The following ARHGAP40 variants were observed in gnomAD, a reference collection of about 807,000 sequenced individuals.
The protein encoded by ARHGAP40 is rho GTPase-activating protein 40.
A neutral mutation model predicts 73.5 loss-of-function variants in ARHGAP40; 43 were observed. That is an observed-to-expected ratio of 0.58 (90% CI 0.46 to 0.75). ARHGAP40 has a LOEUF of 0.75. Ranked by LOEUF, ARHGAP40 falls within the 30% of genes least tolerant of loss-of-function variation. The pLI, the probability that ARHGAP40 is intolerant of heterozygous loss-of-function variation, is 0.00. For synonymous variants in ARHGAP40, 300 were observed against 352.8 expected, an observed-to-expected ratio of 0.85 and a Z score of 1.68; for missense variants, 734 against 861.8, an observed-to-expected ratio of 0.85 and a Z score of 1.86.
At chr20:38,620,506 C>T (rs2088868326) in intron 1 of ARHGAP40, among the ~76,000 whole-genome samples, 2 of 152,202 alleles carry the variant, frequency 1.3e-5, no homozygotes, top group Admixed American at 1.3e-4. Flanking sequence ...GGTTTAGTCG[C>T]TGCAGTTTTC....
rs150876533 is a variant in ARHGAP40 at position 38,612,234 on chromosome 20, T to A, written c.137+10155T>A. On this transcript the variant is annotated intron_variant, in intron 1 of 14. Transcript: ENST00000373345. ...CAATCTCTGATAGGATGCTAAATTT[T>A]CATCAGAAATCCTTAATATATATTT... 3.2e-3 allele frequency among the ~76,000 whole-genome samples: 482 copies of A among 152,354 alleles called. 1 individual carries two copies. Among genetic ancestry groups the A allele is most frequent in the African/African-American group, 0.011 (447 of 41,582 alleles).
intron 1 of ARHGAP40, among the ~76,000 whole-genome samples, chr20:38,608,260 T>C (rs1455993620): frequency 6.6e-6 from 1 of 152,132 alleles, no homozygotes; most frequent in African/African-American, 2.4e-5. Flanking sequence ...CCTGCTCCCC[T>C]TCCTGGGAGA....
At position 38,623,681 on chromosome 20, in the gene ARHGAP40, G is replaced by A. The variant is rs976120043; in HGVS notation, c.337+123G>A. ...CATTTTCTCTGTTGCCTGGACTGGT[G>A]CAGTATCCTCTTCACTGCTCTCCCT... On this transcript the variant is annotated intron_variant, in intron 2 of 14. Transcript: ENST00000373345. 5.2e-6 allele frequency: 4 copies of A among 762,962 alleles called. No individual in the cohort carries two copies. In the African/African-American group the frequency reaches 5.5e-5, roughly 11 times the overall value. 47.3% of individuals were successfully genotyped at this position (762,962 alleles called of 1,614,324 possible).
exon 3 of ARHGAP40, chr20:38,627,114 G>C: frequency 7.7e-7 from 1 of 1,305,410 alleles, no homozygotes; most frequent in Non-Finnish European, 1.0e-6. Flanking sequence ...CCAGGTGGCC[G>C]CTGTGTGCCG....
chr20:38,642,224 T>G (rs1157203697), intron 10 of ARHGAP40, among the ~76,000 whole-genome samples: 2 of 152,208 alleles, frequency 1.3e-5, no homozygotes, highest in Non-Finnish European at 2.9e-5. Flanking sequence ...AGACCTCTTT[T>G]GTTGTGGAAA....
chr20:38,609,732 C>T (rs2088793578), intron 1 of ARHGAP40, among the ~76,000 whole-genome samples: 1 of 152,166 alleles, frequency 6.6e-6, no homozygotes, highest in African/African-American at 2.4e-5. Flanking sequence ...CAGTAGCTGC[C>T]AACTGGGCAA....
chr20:38,647,376 G>GT (rs1419397992), intron 13 of ARHGAP40, among the ~76,000 whole-genome samples: 39 of 25,112 alleles, frequency 1.6e-3, no homozygotes, highest in African/African-American at 9.4e-3. Context: ...ATGTTTTTCT[G>GT]TTGGTTTGTT....
chr20:38,644,398 C>T (rs2089039112), intron 11 of ARHGAP40, among the ~76,000 whole-genome samples: 1 of 152,164 alleles, frequency 6.6e-6, no homozygotes, highest in African/African-American at 2.4e-5. Context: ...ATGCATGGTG[C>T]CCCTAGCACT....
intron 1 of ARHGAP40, among the ~76,000 whole-genome samples, chr20:38,621,001 C>T (rs540477281): frequency 6.6e-6 from 1 of 152,278 alleles, no homozygotes; most frequent in South Asian, 2.1e-4. Context: ...GTTCTCTGAA[C>T]GAAGTGTGGG....
At chr20:38,649,611 C>T (rs1191962446) in intron 14 of ARHGAP40, 146 bp from the exon 15 acceptor site, 7 of 419,392 alleles carry the variant, frequency 1.7e-5, no homozygotes, top group East Asian at 1.5e-4. Context: ...GAGCTCAGTT[C>T]TCCAGCAAAA....
At chr20:38,617,127 C>A (rs1466526875) in intron 1 of ARHGAP40, among the ~76,000 whole-genome samples, 1 of 152,174 alleles carries the variant, frequency 6.6e-6, no homozygotes, top group Admixed American at 6.5e-5. Flanking sequence ...CCAGGCCACG[C>A]TCCCTGCCCC....
intron 6 of ARHGAP40, among the ~76,000 whole-genome samples, chr20:38,637,009 G>C (rs766347148): frequency 2.0e-5 from 3 of 152,156 alleles, no homozygotes; most frequent in Non-Finnish European, 2.9e-5. Flanking sequence ...CTCAAGCCAG[G>C]GTGGTTAAGA....
At chr20:38,642,438 T>C (rs1369208810) in intron 10 of ARHGAP40, among the ~76,000 whole-genome samples, 4 of 152,202 alleles carry the variant, frequency 2.6e-5, no homozygotes, top group Non-Finnish European at 1.5e-5. Flanking sequence ...CTGCTTCCTT[T>C]TCAGTAAACT....
At chr20:38,636,138 A>G (rs2088973445) in intron 6 of ARHGAP40, among the ~76,000 whole-genome samples, 1 of 152,206 alleles carries the variant, frequency 6.6e-6, no homozygotes, top group African/African-American at 2.4e-5. Context: ...GTGCTTCCCT[A>G]ATGGGAAGAT....
intron 1 of ARHGAP40, among the ~76,000 whole-genome samples, chr20:38,603,518 C>A (rs1469565897): frequency 6.8e-5 from 10 of 147,222 alleles, no homozygotes; most frequent in African/African-American, 2.6e-4. Flanking sequence ...TCTATCTATC[C>A]ATCTATCTAT....
At chr20:38,614,899 C>T (rs1314647455) in intron 1 of ARHGAP40, 3 of 1,336,906 alleles carry the variant, frequency 2.2e-6, no homozygotes, top group Non-Finnish European at 3.2e-6. Flanking sequence ...AAGCTGCCTG[C>T]ACCAGGCCTT....
intron 5 of ARHGAP40, among the ~76,000 whole-genome samples, chr20:38,630,048 C>A (rs1601143341): frequency 6.6e-6 from 1 of 150,642 alleles, no homozygotes; most frequent in African/African-American, 2.4e-5. Context: ...TTCCCTCCTC[C>A]TCCTCCTTCT....
rs2089078984 is a variant in ARHGAP40 at position 38,649,935 on chromosome 20, A to G, written c.*87A>G. On this transcript the variant is annotated 3_prime_UTR_variant, in exon 15 of 15. Coordinates refer to ENST00000373345, the Ensembl canonical transcript of ARHGAP40. ...ATGTACCCAGCATGAGAACAAAGCT[A>G]TTCCAGGGGAGGGTCTGAGTTTTAT... 5 of 994,544 alleles carry G rather than the reference A, an allele frequency of 5.0e-6. 1 individual carries two copies. In the South Asian group the frequency reaches 7.0e-5, roughly 14 times the overall value. The allele number at this position is 994,544 out of a possible 1,614,324, so 61.6% of individuals were successfully genotyped here.
At chr20:38,642,180 G>C (rs1385008917) in intron 10 of ARHGAP40, among the ~76,000 whole-genome samples, 1 of 152,362 alleles carries the variant, frequency 6.6e-6, no homozygotes, top group South Asian at 2.1e-4. Context: ...AGTGGGATTA[G>C]AGTATGCAGC....
Sources: allele counts gnomAD v4.1 joint callset (sites outside exome capture counted in the v4.1 genomes callset), GRCh38; gene constraint gnomAD v4.1.1; transcripts MANE v1.5; gene names NCBI Gene and HGNC (gene_info 2026-07-23, HGNC 2026-07-21).